Variants in KIF1A observed in about 807,000 individuals in gnomAD.
KIF1A encodes kinesin family member 1A.
Under a neutral mutation model 227.3 loss-of-function variants are expected in KIF1A, and 46 were observed. The ratio of observed to expected loss-of-function variants is 0.20; its 90% CI spans 0.16 to 0.26. KIF1A has a LOEUF of 0.26. Ranked by LOEUF, KIF1A falls within the 10% of genes least tolerant of loss-of-function variation. KIF1A has a pLI of 1.00. For missense variants in KIF1A, 1,683 were observed against 2,485.9 expected, an observed-to-expected ratio of 0.68 and a Z score of 6.87; for synonymous variants, 1,022 against 1,012.8, an observed-to-expected ratio of 1.01 and a Z score of -0.17.
Position 240,721,901 on chromosome 2 carries a change from C to G in KIF1A, c.4666-17G>C. 1.9e-6 allele frequency: 3 copies of G among 1,594,660 alleles called. No homozygotes were observed. The Admixed American group carries it at 5.1e-5, about 27-fold the overall frequency. Reference sequence around the variant, plus strand: ...GCGCAAGCACTGTGGACAGAGCACACGCGTGGTCAGGGGCCAGGCCTCCCG... The same window carrying G: ...GCGCAAGCACTGTGGACAGAGCACAGGCGTGGTCAGGGGCCAGGCCTCCCG... On this transcript the variant is annotated splice_polypyrimidine_tract_variant and intron_variant, in intron 43 of 48. Coordinates refer to ENST00000498729, the MANE Select transcript of KIF1A (RefSeq NM_001244008.2).
rs756408004 is a variant in KIF1A at position 240,763,355 on chromosome 2, C to A, written c.1769-9G>T. ...CATGATGATGCGGTTTCCTGGGGAA[C>A]AGAGGGACAGGTGGCCTTGAGGGAT... is the stretch of plus-strand genomic sequence containing the variant. On this transcript the variant is annotated splice_polypyrimidine_tract_variant and intron_variant, in intron 20 of 48. Coordinates refer to ENST00000498729, the MANE Select transcript of KIF1A (RefSeq NM_001244008.2). 1.3e-6 allele frequency: 2 copies of A among 1,563,664 alleles called. No individual in the cohort carries two copies. Among genetic ancestry groups the A allele is most frequent in the Non-Finnish European group, 1.7e-6 (2 of 1,155,132 alleles).
chr2:240,741,593 G>A (rs1161910785), intron 34 of KIF1A, among the ~76,000 whole-genome samples: 1 of 152,194 alleles, frequency 6.6e-6, no homozygotes, highest in African/African-American at 2.4e-5. Flanking sequence ...GGACGCTCAC[G>A]TTCTCTGTGC....
At chr2:240,737,422 G>A (rs1405421348) in intron 37 of KIF1A, 7 of 328,238 alleles carry the variant, frequency 2.1e-5, no homozygotes, top group Admixed American at 3.9e-5. Context: ...TACACACACT[G>A]ACAAATGCAG....
At position 240,744,177 on chromosome 2, in the gene KIF1A, G is replaced by A. The variant is rs969204032; in HGVS notation, c.3466-117C>T. On this transcript the variant is annotated intron_variant, in intron 32 of 48. Coordinates refer to ENST00000498729, the MANE Select transcript of KIF1A (RefSeq NM_001244008.2). ...GCCCAGATCTGGGACCCCTAGCTGG[G>A]CCCACGTCTGCCCAGGGGCAGCAGC... 30 of 707,088 alleles carry A rather than the reference G, an allele frequency of 4.2e-5. No individual in the cohort carries two copies. The African/African-American group carries it at 5.1e-4, about 12-fold the overall frequency. 43.8% of individuals were successfully genotyped at this position (707,088 alleles called of 1,614,324 possible).
In KIF1A at chr2:240,718,142, C is replaced by G; in HGVS notation, c.5241G>C (p.Thr1747=). The G allele has an allele frequency of 6.2e-7, 1 of 1,608,102 alleles. No homozygotes were observed. Among genetic ancestry groups the G allele is most frequent in the Non-Finnish European group, 8.5e-7 (1 of 1,177,774 alleles). ...LKTPNTFAVC[T]EHRGILLQAA... is the part of the protein sequence containing the mutation. ...CCTGCAGCAGGATGCCGCGGTGTTCCGTGCACACCGCGAATGTGTTGGGTG... is the reference window on the plus strand; with the variant it reads ...CCTGCAGCAGGATGCCGCGGTGTTCGGTGCACACCGCGAATGTGTTGGGTG... Residue 1747 remains threonine, a synonymous_variant, in exon 48 of 49, where the codon ACG becomes ACC. Coordinates refer to ENST00000498729, the MANE Select transcript of KIF1A (RefSeq NM_001244008.2).
chr2:240,753,449 G>A (rs909109344), intron 27 of KIF1A, among the ~76,000 whole-genome samples: 10 of 152,196 alleles, frequency 6.6e-5, no homozygotes, highest in African/African-American at 9.7e-5. Flanking sequence ...GTGGGCTCAG[G>A]CTCCAGCAGC....
rs2044686795 is a variant in KIF1A at position 240,717,412 on chromosome 2, GA to G, written c.5334-7del. The G allele has an allele frequency of 6.2e-7, 1 of 1,610,878 alleles. No individual in the cohort carries two copies. Reference sequence around the variant, plus strand: ...TCCTTCTGGAGAGCTTGGACCTGCAGAAGAGTTGGGAGAGGCGGCGTGGTCA... The same window carrying G: ...TCCTTCTGGAGAGCTTGGACCTGCAGAGAGTTGGGAGAGGCGGCGTGGTCA... On this transcript the variant is annotated splice_region_variant and splice_polypyrimidine_tract_variant and intron_variant, in intron 48 of 48. Coordinates refer to ENST00000498729, the MANE Select transcript of KIF1A (RefSeq NM_001244008.2).
chr2:240,809,793 G>A (rs77542564), intron 1 of KIF1A, among the ~76,000 whole-genome samples: 2,002 of 149,580 alleles, frequency 0.013, 34 homozygotes, highest in African/African-American at 0.046. Context: ...TGTAAATGAC[G>A]AGTTGATGGG....
Position 240,717,352 on chromosome 2 carries a change from G to A in KIF1A, c.*12C>T. ...GGGCTGGGCCTGCCGGCTGTCACGG[G>A]AGGGCTCAGGTTCAGACCCGCATCT... On this transcript the variant is annotated 3_prime_UTR_variant, in exon 49 of 49. Coordinates refer to ENST00000498729, the MANE Select transcript of KIF1A (RefSeq NM_001244008.2). The A allele has an allele frequency of 3.7e-6, 6 of 1,610,540 alleles. No homozygotes were observed. Among genetic ancestry groups the A allele is most frequent in the Non-Finnish European group, 5.1e-6 (6 of 1,178,886 alleles).
chr2:240,751,384 C>G (rs1171325182), intron 27 of KIF1A, among the ~76,000 whole-genome samples: 1 of 152,192 alleles, frequency 6.6e-6, no homozygotes, highest in Non-Finnish European at 1.5e-5. Context: ...AGGGCCGTGC[C>G]TGGGGCCCTC....
rs1453937966 is a variant in KIF1A, at chr2:240,757,642, C to T, written c.2583-48G>A. 6.5e-7 allele frequency: 1 copy of T among 1,534,206 alleles called. No individual in the cohort carries two copies. The highest frequency in any genetic ancestry group is 8.8e-7 in the Non-Finnish European group (1 of 1,137,312). ...GAGAGAAGTTAACACCAGCGACTCGCAGGGACGAACAGGGGCCGGGGCCGG... is the reference window on the plus strand; with the variant it reads ...GAGAGAAGTTAACACCAGCGACTCGTAGGGACGAACAGGGGCCGGGGCCGG... On this transcript the variant is annotated intron_variant, in intron 26 of 48. Coordinates refer to ENST00000498729, the MANE Select transcript of KIF1A (RefSeq NM_001244008.2). The surrounding 1 kb of genome is among the most constrained non-coding windows in gnomAD (Gnocchi z 6.2).
intron 38 of KIF1A, 63 bp from the exon 39 acceptor site, chr2:240,727,003 G>T (rs1487493304): frequency 2.1e-6 from 2 of 953,218 alleles, no homozygotes; most frequent in African/African-American, 1.6e-5. Context: ...GCCAGGCCGG[G>T]GACATGCAGA....
chr2:240,811,452 C>T (rs553477517), intron 1 of KIF1A, among the ~76,000 whole-genome samples: 7 of 152,302 alleles, frequency 4.6e-5, no homozygotes, highest in Non-Finnish European at 1.0e-4. Context: ...CCACGTGGCC[C>T]CAAGGGTGGC....
At chr2:240,762,567 T>A (rs2050662321) in intron 23 of KIF1A, among the ~76,000 whole-genome samples, 152 bp downstream of exon 23, 1 of 152,200 alleles carries the variant, frequency 6.6e-6, no homozygotes, top group Non-Finnish European at 1.5e-5. Context: ...TCCACGGTGC[T>A]TCCCAGGGCA....
chr2:240,762,899 C>G, intron 22 of KIF1A, 87 bp from the exon 23 acceptor site: 2 of 1,421,244 alleles, frequency 1.4e-6, no homozygotes, highest in Non-Finnish European at 9.6e-7. Flanking sequence ...CTCACCACAT[C>G]CCACTGTTTA....
chr2:240,721,168 C>A, intron 44 of KIF1A, 130 bp from the exon 45 acceptor site: 1 of 1,268,870 alleles, frequency 7.9e-7, no homozygotes. Context: ...TACCAGCAGC[C>A]TTGGCTCAAA....
At position 240,714,703 on chromosome 2, in the gene KIF1A, C is replaced by T. The variant is rs1178038440; in HGVS notation, c.*2661G>A. 3 of 152,300 alleles carry T rather than the reference C, an allele frequency of 2.0e-5. No individual in the cohort carries two copies. Among genetic ancestry groups the T allele is most frequent in the East Asian group, 3.9e-4 (2 of 5,174 alleles). 9.4% of individuals were successfully genotyped at this position (152,300 alleles called of 1,614,324 possible). A position where few individuals can be genotyped will look rare whatever the true frequency, so the allele number is the denominator to read the frequency against. On this transcript the variant is annotated 3_prime_UTR_variant, in exon 49 of 49. Transcript: ENST00000498729. ...GGTCCCTAGGTGGTTTCTGGCAGAG[C>T]GAACTTTTCAAGAAGCCAGGTGTCC...
chr2:240,774,402 C>CCCCA (rs1491536538), intron 11 of KIF1A, 141 bp from the exon 12 acceptor site: 38 of 393,598 alleles, frequency 9.7e-5, no homozygotes, highest in African/African-American at 9.6e-4. Flanking sequence ...CCCCCCCCCC[C>CCCCA]ACCCCCACCC....
At chr2:240,745,945 G>C (rs2048545307) in intron 30 of KIF1A, 36 bp from the exon 31 acceptor site, 1 of 1,593,582 alleles carries the variant, frequency 6.3e-7, no homozygotes, top group Non-Finnish European at 8.6e-7. Flanking sequence ...TGGACCTCCA[G>C]GCCATATTGT....
Sources: allele counts gnomAD v4.1 joint callset (sites outside exome capture counted in the v4.1 genomes callset), GRCh38; gene constraint gnomAD v4.1.1; non-coding constraint Gnocchi (gnomAD v3.1); transcripts MANE v1.5; gene names NCBI Gene and HGNC (gene_info 2026-07-23, HGNC 2026-07-21).